Variants in DEFB131B observed in about 807,000 individuals in gnomAD.
The protein encoded by DEFB131B is beta-defensin 131B.
A neutral mutation model predicts 2.1 loss-of-function variants in DEFB131B; 2 were observed. The observed-to-expected ratio is 0.94, with a 90% CI of 0.38 to 2.95. DEFB131B has a LOEUF of 2.95. DEFB131B is among the 30% of genes most tolerant of loss of function. The pLI is 0.09. For missense variants in DEFB131B, 77 were observed against 78.5 expected (o/e 0.98, Z 0.07); for synonymous variants, 26 against 25.8 (o/e 1.01, Z -0.03).
At chr11:71,883,097 C>T (rs1030956028) in intron 1 of DEFB131B, among the ~76,000 whole-genome samples, 46 of 152,006 alleles carry the variant, frequency 3.0e-4, no homozygotes, top group Admixed American at 1.3e-4. Context: ...TTAAAGAAGA[C>T]ACAAATCAGT....
intron 1 of DEFB131B, among the ~76,000 whole-genome samples, chr11:71,882,802 G>T (rs1952580164): frequency 6.6e-6 from 1 of 152,152 alleles, no homozygotes; most frequent in Non-Finnish European, 1.5e-5. Context: ...GGGTGGGAAT[G>T]AGTAAAATTA....
chr11:71,878,993 C>T (rs1952543145), intron 1 of DEFB131B, among the ~76,000 whole-genome samples: 1 of 152,058 alleles, frequency 6.6e-6, no homozygotes, highest in African/African-American at 2.4e-5. Context: ...GAGTGAGACC[C>T]TGTCTCAAAA....
intron 1 of DEFB131B, among the ~76,000 whole-genome samples, chr11:71,879,206 G>A (rs1952544744): frequency 6.6e-6 from 1 of 152,178 alleles, no homozygotes; most frequent in African/African-American, 2.4e-5. Context: ...ATCCAGGCAA[G>A]GACCTAGCCT....
chr11:71,882,880 C>A (rs1422994826), intron 1 of DEFB131B, among the ~76,000 whole-genome samples: 2 of 152,070 alleles, frequency 1.3e-5, no homozygotes, highest in African/African-American at 4.8e-5. Flanking sequence ...ATTATTAAAA[C>A]TAATAACAAA....
At chr11:71,882,720 A>G (rs1952578396) in intron 1 of DEFB131B, among the ~76,000 whole-genome samples, 1 of 152,242 alleles carries the variant, frequency 6.6e-6, no homozygotes, top group Non-Finnish European at 1.5e-5. Context: ...ACATTTATTT[A>G]ACATGATTCT....
intron 1 of DEFB131B, among the ~76,000 whole-genome samples, chr11:71,880,188 C>A (rs1305610369): frequency 2.6e-5 from 4 of 151,936 alleles, no homozygotes; most frequent in Non-Finnish European, 5.9e-5. Flanking sequence ...CAGGTATAAA[C>A]CACAGTTTAA....
chr11:71,884,173 A>G (rs2121359295), intron 1 of DEFB131B: 1 of 374,314 alleles, frequency 2.7e-6, no homozygotes. Context: ...AATAGTTCTC[A>G]TTTAAAATTC....
At chr11:71,881,917 A>C (rs1590732211) in intron 1 of DEFB131B, among the ~76,000 whole-genome samples, 1 of 152,332 alleles carries the variant, frequency 6.6e-6, no homozygotes, top group East Asian at 1.9e-4. Context: ...AGGAGGAGAA[A>C]GAAAGGAACA....
chr11:71,879,266 T>C (rs1260847845), intron 1 of DEFB131B, among the ~76,000 whole-genome samples: 3 of 138,108 alleles, frequency 2.2e-5, no homozygotes, highest in African/African-American at 4.9e-5. Flanking sequence ...ATTTAATGTA[T>C]ATGGAAATTA....
chr11:71,884,334 T>C (rs1952600847), intron 1 of DEFB131B, 73 bp from the exon 2 acceptor site: 7 of 1,396,440 alleles, frequency 5.0e-6, no homozygotes, highest in Non-Finnish European at 6.6e-6. Context: ...TAATTTATTA[T>C]AAAACATTTC....
chr11:71,884,165 T>C (rs2121359259), intron 1 of DEFB131B: 1 of 349,824 alleles, frequency 2.9e-6, no homozygotes, highest in Non-Finnish European at 5.1e-6. Flanking sequence ...TATGTGGTAA[T>C]AGTTCTCATT....
At chr11:71,882,957 C>T (rs1287394640) in intron 1 of DEFB131B, among the ~76,000 whole-genome samples, 2 of 152,054 alleles carry the variant, frequency 1.3e-5, no homozygotes, top group Non-Finnish European at 2.9e-5. Flanking sequence ...GCACTAACAG[C>T]AAGCAACTGG....
chr11:71,879,513 C>T (rs1161662278), intron 1 of DEFB131B, among the ~76,000 whole-genome samples: 3 of 152,124 alleles, frequency 2.0e-5, no homozygotes, highest in Non-Finnish European at 4.4e-5. Flanking sequence ...TCAAGATTCC[C>T]TCATTTATAT....
At chr11:71,878,802 G>A (rs1489486843) in intron 1 of DEFB131B, among the ~76,000 whole-genome samples, 1 of 151,114 alleles carries the variant, frequency 6.6e-6, no homozygotes, top group Admixed American at 6.6e-5. Context: ...CCCGGTGGGG[G>A]CAACAGGGTG....
chr11:71,879,407 A>G (rs1421179230), intron 1 of DEFB131B, among the ~76,000 whole-genome samples: 1 of 152,238 alleles, frequency 6.6e-6, no homozygotes, highest in Non-Finnish European at 1.5e-5. Flanking sequence ...TCAATACCCC[A>G]TAATAAAAAC....
chr11:71,882,130 T>C (rs370496619), intron 1 of DEFB131B, among the ~76,000 whole-genome samples: 14 of 151,160 alleles, frequency 9.3e-5, no homozygotes, highest in African/African-American at 2.4e-4. Flanking sequence ...TCTTTATCTA[T>C]GGACAACCAA....
Position 71,878,532 on chromosome 11 carries a change from T to C in DEFB131B, c.58+22T>C, listed in dbSNP as rs776655638. On this transcript the variant is annotated intron_variant, in intron 1 of 1. Transcript: ENST00000530210. Reference sequence around the variant, plus strand: ...CCAAGTAAGGCAGAAACTTTTTTATTCCAAAGTTCTAAAAATATAAGTAAA... The same window carrying C: ...CCAAGTAAGGCAGAAACTTTTTTATCCCAAAGTTCTAAAAATATAAGTAAA... 1.9e-6 allele frequency: 3 copies of C among 1,604,326 alleles called. No homozygotes were observed. In the South Asian group the frequency reaches 3.3e-5, roughly 18 times the overall value.
intron 1 of DEFB131B, among the ~76,000 whole-genome samples, chr11:71,880,265 T>A (rs1009328363): frequency 6.6e-6 from 1 of 152,094 alleles, no homozygotes; most frequent in Non-Finnish European, 1.5e-5. Flanking sequence ...TGATTATTGG[T>A]GTTGGTAAAA....
chr11:71,881,420 G>A (rs1008462912), intron 1 of DEFB131B, among the ~76,000 whole-genome samples: 1 of 152,150 alleles, frequency 6.6e-6, no homozygotes, highest in Non-Finnish European at 1.5e-5. Flanking sequence ...TTTTCTCACA[G>A]TTCTGGAAGT....
Sources: gnomAD v4.1 joint callset for allele counts (sites outside exome capture counted in the v4.1 genomes callset) on GRCh38, gnomAD v4.1.1 for gene constraint, MANE v1.5 for transcripts, NCBI Gene and HGNC (gene_info 2026-07-23, HGNC 2026-07-21) for gene names.